The following ADD1 variants were observed in gnomAD, a reference collection of about 807,000 sequenced individuals.
ADD1 encodes adducin 1, also known as alpha-adducin.
Under a neutral mutation model 80.5 loss-of-function variants are expected in ADD1, and 24 were observed. The ratio of observed to expected loss-of-function variants is 0.30; its 90% CI spans 0.22 to 0.42. ADD1 has a LOEUF of 0.42. ADD1 is among the 10% of genes least tolerant of loss of function. The probability of loss-of-function intolerance (pLI) is 1.00; values close to 1 mark genes in which losing one functional copy is unlikely to be tolerated. For synonymous variants in ADD1, 373 were observed against 393.8 expected (o/e 0.95, Z 0.63); for missense variants, 948 against 1,019.0 (o/e 0.93, Z 0.95).
At position 2,926,660 on chromosome 4, in the gene ADD1, A is replaced by T. The variant is rs1560266429; in HGVS notation, c.2047+548A>T. The T allele has an allele frequency of 6.2e-7, 1 of 1,613,930 alleles. No individual in the cohort carries two copies. Among genetic ancestry groups the T allele is most frequent in the Non-Finnish European group, 8.5e-7 (1 of 1,179,918 alleles). The stretch of plus-strand genomic sequence containing the variant: ...CAAGCAGGAGACGGATGCGCTAGAG[A>T]GTACCTGTTACCCTAGTAAGTACCG... On this transcript the variant is annotated intron_variant, in intron 15 of 15. Transcript: ENST00000683351. The surrounding 1 kb of genome is among the most constrained non-coding windows in gnomAD (Gnocchi z 5.0).
chr4:2,896,980 G>A (rs1219482099), intron 6 of ADD1, among the ~76,000 whole-genome samples: 7 of 152,020 alleles, frequency 4.6e-5, no homozygotes, highest in African/African-American at 9.7e-5. Context: ...GGCTGGTCTC[G>A]AACTCCTGGC....
rs1731236841 is a variant in ADD1, at chr4:2,876,048, C to G, written c.133C>G (p.Leu45Val). The change falls in exon 2 of 16, where the codon CTT becomes GTT. Residue 45 changes from leucine to valine, a missense_variant. Transcript: ENST00000683351. ...YLRERNMAPD[L>V]RQDFNMMEQK... is the part of the protein sequence containing the mutation. ...GAGGGAGAGGAACATGGCACCAGACCTTCGCCAGGACTTCAACATGATGGA... is the reference window on the plus strand; with the variant it reads ...GAGGGAGAGGAACATGGCACCAGACGTTCGCCAGGACTTCAACATGATGGA... The G allele has an allele frequency of 6.2e-7, 1 of 1,613,948 alleles. No homozygotes were observed. Among genetic ancestry groups the G allele is most frequent in the South Asian group, 1.1e-5 (1 of 91,080 alleles).
At chr4:2,869,736 G>A (rs149717816) in intron 1 of ADD1, among the ~76,000 whole-genome samples, 1 of 152,298 alleles carries the variant, frequency 6.6e-6, no homozygotes, top group East Asian at 1.9e-4. Flanking sequence ...TGCATGTAAG[G>A]TGGAAGGTGT....
intron 13 of ADD1, chr4:2,914,652 T>G: frequency 2.3e-6 from 1 of 442,772 alleles, no homozygotes; most frequent in Non-Finnish European, 4.0e-6. Flanking sequence ...GAAGGCTCTG[T>G]AGGATTTCTT....
chr4:2,929,692 T>C lies in ADD1; in HGVS notation c.*1169T>C, dbSNP rs1188983059. ...CAGATGTGGGCTCAGATCCTGGGCA[T>C]GATGGGCCGAGCCACCTCGGATCCC... is the stretch of plus-strand genomic sequence containing the variant. On this transcript the variant is annotated 3_prime_UTR_variant, in exon 16 of 16. Transcript: ENST00000683351. The C allele has an allele frequency of 2.0e-5, 3 of 152,284 alleles. No individual in the cohort carries two copies. Among genetic ancestry groups the C allele is most frequent in the Admixed American group, 6.5e-5 (1 of 15,282 alleles). 9.4% of individuals were successfully genotyped at this position (152,284 alleles called of 1,614,324 possible).
chr4:2,879,455 T>A (rs1212992700), intron 2 of ADD1, among the ~76,000 whole-genome samples: 1 of 152,208 alleles, frequency 6.6e-6, no homozygotes, highest in East Asian at 1.9e-4. Context: ...GTGTGTCGAA[T>A]TGAGCTTTCC....
At chr4:2,884,460 G>C in intron 3 of ADD1, 55 bp from the exon 4 acceptor site, 2 of 1,393,936 alleles carry the variant, frequency 1.4e-6, no homozygotes, top group Non-Finnish European at 1.9e-6. Context: ...TGAGTAACTA[G>C]GACTACAGGC....
At chr4:2,895,634 G>A (rs1415183595) in intron 6 of ADD1, among the ~76,000 whole-genome samples, 2 of 152,126 alleles carry the variant, frequency 1.3e-5, no homozygotes, top group East Asian at 1.9e-4. Context: ...AGTGCAGGCT[G>A]TTACGAGGCT....
chr4:2,894,702 G>T lies in ADD1; in HGVS notation c.712G>T (p.Val238Leu). 1 of 1,602,834 alleles carries T rather than the reference G, an allele frequency of 6.2e-7. No individual in the cohort carries two copies. Among genetic ancestry groups the T allele is most frequent in the Admixed American group, 1.8e-5 (1 of 56,598 alleles). ...TGCACGCCCGGACGTGAAGTGCGTC[G>T]TGCACATTCACACCCCAGCAGGGGC... ...YAARPDVKCVVHIHTPAGAAV... is the reference protein window; with the variant it reads ...YAARPDVKCVLHIHTPAGAAV... Residue 238 changes from valine to leucine, a missense_variant, in exon 6 of 16, where the codon GTG becomes TTG. By Grantham distance (32) the Val-to-Leu change is conservative. Transcript: ENST00000683351.
intron 4 of ADD1, among the ~76,000 whole-genome samples, chr4:2,891,000 A>T (rs1237536072): frequency 6.6e-6 from 1 of 152,040 alleles, no homozygotes; most frequent in East Asian, 1.9e-4. Flanking sequence ...ACAAGTCAGG[A>T]TGGGCTGGAT....
At chr4:2,899,880 G>A (rs1735891620) in intron 9 of ADD1, 2 of 295,990 alleles carry the variant, frequency 6.8e-6, no homozygotes, top group Non-Finnish European at 1.3e-5. Context: ...CAGCGTGGGA[G>A]CCCCTCAGCT....
intron 1 of ADD1, among the ~76,000 whole-genome samples, chr4:2,859,738 G>A (rs913135791): frequency 1.3e-5 from 2 of 152,282 alleles, no homozygotes; most frequent in Non-Finnish European, 2.9e-5. Context: ...CCATTTTGGA[G>A]GTTTTCTTTA....
chr4:2,910,017 A>G (rs1173633105), intron 13 of ADD1, among the ~76,000 whole-genome samples: 1 of 147,656 alleles, frequency 6.8e-6, no homozygotes, highest in Non-Finnish European at 1.5e-5. Context: ...GCCACAGAGG[A>G]GAAAGACTTA....
intron 4 of ADD1, among the ~76,000 whole-genome samples, chr4:2,889,496 A>G (rs1197291594): frequency 6.6e-6 from 1 of 152,194 alleles, no homozygotes; most frequent in Non-Finnish European, 1.5e-5. Context: ...AAATTTGTCT[A>G]CATTTAAAGT....
At chr4:2,876,786 C>G (rs559123016) in intron 2 of ADD1, among the ~76,000 whole-genome samples, 1 of 151,836 alleles carries the variant, frequency 6.6e-6, no homozygotes, top group African/African-American at 2.4e-5. Context: ...TTGCAGTAAG[C>G]CGAGATCATG....
chr4:2,879,646 G>T (rs931878150), intron 2 of ADD1, among the ~76,000 whole-genome samples: 2 of 151,202 alleles, frequency 1.3e-5, no homozygotes, highest in East Asian at 3.9e-4. Context: ...TTTTTGAGAT[G>T]GAGTCTCACT....
At chr4:2,885,312 C>CAG (rs1733071553) in intron 4 of ADD1, among the ~76,000 whole-genome samples, 29 of 152,292 alleles carry the variant, frequency 1.9e-4, no homozygotes, top group Admixed American at 5.2e-4. Flanking sequence ...GAAGTCCTCC[C>CAG]ACCAGAGCCC....
intron 4 of ADD1, among the ~76,000 whole-genome samples, chr4:2,893,141 C>G (rs1734592583): frequency 6.6e-6 from 1 of 151,948 alleles, no homozygotes; most frequent in African/African-American, 2.4e-5. Flanking sequence ...GTTGACCAGG[C>G]TGGTCCCAAA....
chr4:2,908,500 C>G lies in ADD1; in HGVS notation c.1609-15C>G, dbSNP rs761727910. 14 of 1,611,938 alleles carry G rather than the reference C, an allele frequency of 8.7e-6. No individual in the cohort carries two copies. The highest frequency in any genetic ancestry group is 1.2e-5 in the Non-Finnish European group (14 of 1,178,144). ...CTCAGGACTGTTGATGTGTGCCTCTCCTTCCCACCCTCAGATCCGAGAGCA... is the reference window on the plus strand; with the variant it reads ...CTCAGGACTGTTGATGTGTGCCTCTGCTTCCCACCCTCAGATCCGAGAGCA... On this transcript the variant is annotated splice_polypyrimidine_tract_variant and intron_variant, in intron 11 of 15. Coordinates refer to ENST00000683351, the MANE Select transcript of ADD1 (RefSeq NM_001354761.2).
Sources: allele counts gnomAD v4.1 joint callset (sites outside exome capture counted in the v4.1 genomes callset), GRCh38; gene constraint gnomAD v4.1.1; non-coding constraint Gnocchi (gnomAD v3.1); transcripts MANE v1.5; gene names NCBI Gene and HGNC (gene_info 2026-07-23, HGNC 2026-07-21).